The following TBX1 variants were observed in gnomAD, a reference collection of about 807,000 sequenced individuals.
TBX1 encodes T-box transcription factor 1.
TBX1 carries 16 observed loss-of-function variants against 40.8 expected under a neutral mutation model. That is an observed-to-expected ratio of 0.39 (90% confidence interval 0.27 to 0.60). The LOEUF (loss-of-function observed/expected upper bound fraction) is 0.60, where lower values mean the gene tolerates loss of function less well. TBX1 is among the 20% of genes least tolerant of loss of function. The pLI, the probability that TBX1 is intolerant of heterozygous loss-of-function variation, is 0.51. For synonymous variants in TBX1, 403 were observed against 336.8 expected, an observed-to-expected ratio of 1.20 and a Z score of -2.15; for missense variants, 755 against 728.5, an observed-to-expected ratio of 1.04 and a Z score of -0.42.
At chr22:19,781,101 G>C (rs1601310433), downstream of TBX1, among the ~76,000 whole-genome samples, 1 of 152,174 alleles carries the variant, frequency 6.6e-6, no homozygotes, top group South Asian at 2.1e-4. Context: ...TTTTATTTTT[G>C]GTGTACCCAT....
upstream of TBX1, among the ~76,000 whole-genome samples, chr22:19,760,626 G>A (rs1194405842): frequency 9.4e-6 from 1 of 106,076 alleles, no homozygotes; most frequent in Non-Finnish European, 2.0e-5. Context: ...GGGAAGGGGC[G>A]GGGGAGGGGC....
chr22:19,775,276 G>A (rs1255937080), intron 8 of TBX1, among the ~76,000 whole-genome samples: 1 of 151,412 alleles, frequency 6.6e-6, no homozygotes, highest in East Asian at 2.0e-4. Flanking sequence ...TCTATTTTTA[G>A]TAGAGACGGG....
intron 8 of TBX1, among the ~76,000 whole-genome samples, chr22:19,778,806 C>T (rs1257170959): frequency 6.6e-6 from 1 of 152,112 alleles, no homozygotes; most frequent in Non-Finnish European, 1.5e-5. Context: ...GTAATCCCAG[C>T]TACTTGGGAG....
downstream of TBX1, among the ~76,000 whole-genome samples, chr22:19,769,327 G>A (rs1182289374): frequency 6.6e-6 from 1 of 152,316 alleles, no homozygotes; most frequent in East Asian, 1.9e-4. Flanking sequence ...CAGGTGCTCC[G>A]TGGCTCACAG....
Position 19,773,570 on chromosome 22 carries a change from C to T in TBX1, c.1010-5650C>T, listed in dbSNP as rs550347926. Among the ~76,000 whole-genome samples the T allele has an allele frequency of 2.0e-5, 3 of 152,342 alleles. No individual in the cohort carries two copies. The East Asian group carries it at 5.8e-4, about 29-fold the overall frequency. On this transcript the variant is annotated intron_variant, in intron 8 of 8. Coordinates refer to the TBX1 transcript ENST00000329705. ...AAGGGGCCATCTCCAGGCAGGCACC[C>T]CCTTCAGGAGAGCCCATGCCCAGTC...
downstream of TBX1, chr22:19,783,183 AC>A: frequency 1.5e-6 from 1 of 665,264 alleles, no homozygotes. Flanking sequence ...TAAATTCCCG[AC>A]CCACGGAGCC....
rs41297788 is a variant in TBX1 at position 19,774,465 on chromosome 22, T to C, written c.1010-4755T>C. 6.9e-3 allele frequency among the ~76,000 whole-genome samples: 1,053 copies of C among 152,312 alleles called. 11 individuals carry two copies. Among genetic ancestry groups the C allele is most frequent in the African/African-American group, 0.024 (1,005 of 41,560 alleles). On this transcript the variant is annotated intron_variant, in intron 8 of 8. Transcript: ENST00000329705. ...CCGTATGTTCCAGGAATTCCACTTCTGGGAAAATACCCAAGAGAATTGAAA... is the reference window on the plus strand; with the variant it reads ...CCGTATGTTCCAGGAATTCCACTTCCGGGAAAATACCCAAGAGAATTGAAA...
downstream of TBX1, among the ~76,000 whole-genome samples, chr22:19,769,745 G>A (rs1322834394): frequency 2.0e-5 from 3 of 152,276 alleles, no homozygotes; most frequent in African/African-American, 4.8e-5. Context: ...ATGGTGGCAG[G>A]AGATGGAGCC....
At chr22:19,764,457 G>A (rs1284657338) in intron 3 of TBX1, 131 bp downstream of exon 3, 1 of 1,214,230 alleles carries the variant, frequency 8.2e-7, no homozygotes, top group Non-Finnish European at 1.2e-6. Context: ...CTGTCCCCGA[G>A]GAGGCCCTTT....
At position 19,763,243 on chromosome 22, in the gene TBX1, G is replaced by A. The variant is rs766405525; in HGVS notation, c.440G>A (p.Arg147Gln). Residue 147 changes from arginine to glutamine, a missense_variant and splice_region_variant, in exon 2 of 7, where the codon CGG (arginine) becomes CAG (glutamine). Transcript: ENST00000649276. ...TEMIVTKAGRRMFPTFQVKLF... is the reference protein window; with the variant it reads ...TEMIVTKAGRQMFPTFQVKLF... ...ACCCAAGGCCTCATCACCCCCAGGC[G>A]GATGTTTCCCACCTTCCAAGTGAAG... 6.2e-7 allele frequency: 1 copy of A among 1,614,026 alleles called. No homozygotes were observed. The highest frequency in any genetic ancestry group is 8.5e-7 in the Non-Finnish European group (1 of 1,179,890).
Position 19,766,917 on chromosome 22 carries a change from G to A in TBX1, c.*50G>A. 2.6e-6 allele frequency: 4 copies of A among 1,564,726 alleles called. No individual in the cohort carries two copies. Among genetic ancestry groups the A allele is most frequent in the Admixed American group, 1.8e-5 (1 of 56,296 alleles). ...CCGGTCCTGCACAGCCCCGAAGTTC[G>A]CCGGGCCCGGCCACCCTGCCCCAAG... On this transcript the variant is annotated 3_prime_UTR_variant, in exon 7 of 7. Transcript: ENST00000649276.
At chr22:19,765,220 G>C in intron 4 of TBX1, 107 bp downstream of exon 4, 1 of 1,535,064 alleles carries the variant, frequency 6.5e-7, no homozygotes, top group Non-Finnish European at 8.9e-7. Context: ...CCTGCAGGCT[G>C]TGGTCCCAGT....
chr22:19,768,953 C>CTTTTTTTTTTTTTT (rs36085623), downstream of TBX1, among the ~76,000 whole-genome samples: 706 of 66,078 alleles, frequency 0.011, 132 homozygotes, highest in South Asian at 0.048. Flanking sequence ...TGTTCGCATT[C>CTTTTTTTTTTTTTT]TTTTTTTTTT....
chr22:19,774,990 A>C (rs576922893), intron 8 of TBX1, among the ~76,000 whole-genome samples: 1 of 152,334 alleles, frequency 6.6e-6, no homozygotes, highest in South Asian at 2.1e-4. Flanking sequence ...TGTGTTGCCC[A>C]GGCTAGCCTC....
chr22:19,779,402 T>C, exon 9 of TBX1: 1 of 1,614,200 alleles, frequency 6.2e-7, no homozygotes, highest in Non-Finnish European at 8.5e-7. Context: ...TGACCGTCTT[T>C]GTTGAATGCT....
At chr22:19,767,447 C>G (rs368872332), downstream of TBX1, 10 of 954,090 alleles carry the variant, frequency 1.0e-5, no homozygotes, top group East Asian at 5.8e-4. Context: ...CAATCCCTGC[C>G]GACTGTAGGT....
intron 2 of TBX1, among the ~76,000 whole-genome samples, chr22:19,763,857 G>A (rs1039248330): frequency 2.6e-5 from 4 of 152,156 alleles, no homozygotes; most frequent in African/African-American, 7.2e-5. Flanking sequence ...CCACCGCAGC[G>A]GCACCGGGGC....
At chr22:19,763,826 G>C (rs1342841941) in intron 2 of TBX1, 3 of 495,646 alleles carry the variant, frequency 6.1e-6, no homozygotes, top group African/African-American at 3.8e-5. Flanking sequence ...CCTGAGGCCC[G>C]GCAAGGCCAA....
rs1411456588 is a variant in TBX1 at position 19,765,832 on chromosome 22, G to A, written c.935+7G>A. 6.2e-7 allele frequency: 1 copy of A among 1,600,552 alleles called. No individual in the cohort carries two copies. The highest frequency in any genetic ancestry group is 8.5e-7 in the Non-Finnish European group (1 of 1,174,176). ...ACTGTGACCCTGAGGACTGGTGAGT[G>A]TCCTCCCCCGAGAGAGTGAGCGCCG... On this transcript the variant is annotated splice_region_variant and intron_variant, in intron 5 of 6. Coordinates refer to ENST00000649276, the MANE Select transcript of TBX1 (RefSeq NM_001379200.1).
Sources: gnomAD v4.1 joint callset for allele counts (sites outside exome capture counted in the v4.1 genomes callset) on GRCh38, gnomAD v4.1.1 for gene constraint, MANE v1.5 for transcripts, NCBI Gene and HGNC (gene_info 2026-07-23, HGNC 2026-07-21) for gene names.